The following ADAMTS16 variants were observed in gnomAD, a reference collection of about 807,000 sequenced individuals.
ADAMTS16 encodes the protein ADAM metallopeptidase with thrombospondin type 1 motif 16.
A neutral mutation model predicts 145.8 loss-of-function variants in ADAMTS16; 94 were observed. The ratio of observed to expected loss-of-function variants is 0.64; its 90% CI spans 0.55 to 0.77. The LOEUF (loss-of-function observed/expected upper bound fraction) is 0.77, where lower values mean the gene tolerates loss of function less well. ADAMTS16 is among the 30% of genes least tolerant of loss of function. The probability of loss-of-function intolerance (pLI) is 0.00; values close to 1 mark genes in which losing one functional copy is unlikely to be tolerated. For missense variants in ADAMTS16, 1,585 were observed against 1,591.5 expected (o/e 1.00, Z 0.07); for synonymous variants, 659 against 604.3 (o/e 1.09, Z -1.33).
chr5:5,300,422 G>C (rs1739723370), intron 18 of ADAMTS16, among the ~76,000 whole-genome samples: 1 of 152,018 alleles, frequency 6.6e-6, no homozygotes, highest in Non-Finnish European at 1.5e-5. Flanking sequence ...GTTGACACTG[G>C]AAAATGGAAG....
intron 17 of ADAMTS16, among the ~76,000 whole-genome samples, chr5:5,255,377 T>A (rs1480199235): frequency 6.6e-6 from 1 of 152,214 alleles, no homozygotes; most frequent in Non-Finnish European, 1.5e-5. Flanking sequence ...ACAAAATAAA[T>A]AGAGAGATTG....
At position 5,242,113 on chromosome 5, in the gene ADAMTS16, A is replaced by T; in HGVS notation, c.2584A>T (p.Thr862Ser). The change falls in exon 17 of 23, where the codon ACC becomes TCC. Residue 862 changes from threonine to serine, a missense_variant. Thr to Ser is a moderately conservative substitution (Grantham distance 58, BLOSUM62 1). This residue lies in a region of ADAMTS16 where 834 missense variants were observed against 811.7 expected (regional missense o/e 1.03). Coordinates refer to ENST00000274181, the MANE Select transcript of ADAMTS16 (RefSeq NM_139056.4). Reference sequence around the variant, plus strand: ...GGAATACTCCATGCCTCGCTTGGGGACCGAGAAGCAGCCCCCTGCCCAGCC... The same window carrying T: ...GGAATACTCCATGCCTCGCTTGGGGTCCGAGAAGCAGCCCCCTGCCCAGCC... Reference protein sequence around the residue: ...AWEYSMPRLGTEKQPPAQPSY... With the variant: ...AWEYSMPRLGSEKQPPAQPSY... The T allele has an allele frequency of 1.9e-6, 3 of 1,613,960 alleles. No homozygotes were observed. The highest frequency in any genetic ancestry group is 2.5e-6 in the Non-Finnish European group (3 of 1,179,982).
chr5:5,227,854 G>T (rs922146042), intron 11 of ADAMTS16, among the ~76,000 whole-genome samples: 2 of 152,126 alleles, frequency 1.3e-5, no homozygotes, highest in Admixed American at 6.5e-5. Flanking sequence ...TAATGCAAAT[G>T]TCCATCAGTA....
At chr5:5,228,967 T>G (rs1439754523) in intron 11 of ADAMTS16, among the ~76,000 whole-genome samples, 1 of 152,222 alleles carries the variant, frequency 6.6e-6, no homozygotes, top group Admixed American at 6.5e-5. Context: ...AGTTACTTCT[T>G]CCTTCCTTTG....
At chr5:5,281,389 C>A (rs1271358840) in intron 18 of ADAMTS16, among the ~76,000 whole-genome samples, 2 of 152,046 alleles carry the variant, frequency 1.3e-5, no homozygotes, top group Admixed American at 1.3e-4. Context: ...TCATTTTGAT[C>A]AAAATCAAAT....
At chr5:5,238,066 G>A (rs1737165289) in intron 14 of ADAMTS16, among the ~76,000 whole-genome samples, 1 of 152,074 alleles carries the variant, frequency 6.6e-6, no homozygotes, top group African/African-American at 2.4e-5. Context: ...GAGATCCTTA[G>A]TGTAATCATT....
chr5:5,309,476 G>A (rs1740327150), intron 21 of ADAMTS16, among the ~76,000 whole-genome samples: 1 of 152,122 alleles, frequency 6.6e-6, no homozygotes, highest in Admixed American at 6.5e-5. Flanking sequence ...TAAGTATTCA[G>A]GAAATGCTTG....
intron 18 of ADAMTS16, among the ~76,000 whole-genome samples, chr5:5,294,873 A>G (rs1283817350): frequency 6.6e-6 from 1 of 152,180 alleles, no homozygotes; most frequent in Non-Finnish European, 1.5e-5. Flanking sequence ...AATGCCCATT[A>G]CCCACCAGAC....
intron 11 of ADAMTS16, among the ~76,000 whole-genome samples, chr5:5,227,935 A>G (rs1456943203): frequency 6.6e-6 from 1 of 152,244 alleles, no homozygotes; most frequent in African/African-American, 2.4e-5. Context: ...ACATGTCTAT[A>G]TACTTCTGTG....
intron 3 of ADAMTS16, among the ~76,000 whole-genome samples, chr5:5,168,352 C>CATTATT (rs70965930): frequency 0.22 from 30,579 of 139,512 alleles, 3,910 homozygotes; most frequent in Non-Finnish European, 0.28. Context: ...TTATCCGAAA[C>CATTATT]ATTATTATTA....
chr5:5,144,823 G>C (rs1734251508), intron 2 of ADAMTS16, among the ~76,000 whole-genome samples: 1 of 152,204 alleles, frequency 6.6e-6, no homozygotes, highest in Admixed American at 6.5e-5. Flanking sequence ...CTCTTAGGGT[G>C]CTCGTGAACA....
At chr5:5,150,436 G>C (rs572170864) in intron 3 of ADAMTS16, among the ~76,000 whole-genome samples, 2 of 152,314 alleles carry the variant, frequency 1.3e-5, no homozygotes, top group Non-Finnish European at 2.9e-5. Context: ...TCACGGGCCG[G>C]TGCACAAGGC....
intron 21 of ADAMTS16, among the ~76,000 whole-genome samples, chr5:5,311,417 G>A (rs560047016): frequency 8.6e-5 from 13 of 151,724 alleles, no homozygotes; most frequent in East Asian, 1.9e-4. Flanking sequence ...ATCTTTTTTC[G>A]GTATTAGCTA....
chr5:5,284,389 T>C (rs1038739325), intron 18 of ADAMTS16, among the ~76,000 whole-genome samples: 1 of 152,244 alleles, frequency 6.6e-6, no homozygotes, highest in Non-Finnish European at 1.5e-5. Context: ...CTTTCAATAG[T>C]AATGCATGTA....
intron 3 of ADAMTS16, among the ~76,000 whole-genome samples, chr5:5,174,150 C>T (rs953178778): frequency 6.6e-6 from 1 of 152,076 alleles, no homozygotes; most frequent in Non-Finnish European, 1.5e-5. Flanking sequence ...TGATTAAATC[C>T]CTCAGCTTTT....
chr5:5,237,877 G>GA (rs200318290), intron 14 of ADAMTS16, among the ~76,000 whole-genome samples: 1,576 of 152,144 alleles, frequency 0.01, 27 homozygotes, highest in African/African-American at 0.036. Flanking sequence ...GGAAGGGGTG[G>GA]AAAAAAATGT....
chr5:5,300,084 G>C (rs1296518908), intron 18 of ADAMTS16, among the ~76,000 whole-genome samples: 2 of 152,186 alleles, frequency 1.3e-5, no homozygotes, highest in East Asian at 1.9e-4. Context: ...AGAATGGATC[G>C]ACCCAGTTGG....
chr5:5,182,223 G>T lies in ADAMTS16; in HGVS notation c.681G>T (p.Glu227Asp). The T allele has an allele frequency of 6.2e-7, 1 of 1,614,202 alleles. No individual in the cohort carries two copies. The change falls in exon 4 of 23, where the codon GAG (glutamate) becomes GAT (aspartate). Residue 227 changes from glutamate (E) to aspartate (D), a missense_variant. Physicochemically the swap from Glu to Asp is conservative, Grantham distance 45. Transcript: ENST00000274181. Reference protein sequence around the residue: ...SEVLVTSRTWELAHQPLHSSD... With the variant: ...SEVLVTSRTWDLAHQPLHSSD... ...TCCTGGTGACCTCAAGGACATGGGAGCTGGCACATCAACCCCTGCACAGCA... is the reference window on the plus strand; with the variant it reads ...TCCTGGTGACCTCAAGGACATGGGATCTGGCACATCAACCCCTGCACAGCA...
chr5:5,231,877 C>T (rs768023337), intron 11 of ADAMTS16, among the ~76,000 whole-genome samples: 16 of 152,106 alleles, frequency 1.1e-4, no homozygotes, highest in Admixed American at 1.3e-4. Context: ...CCCAAGGCTC[C>T]GAGCCCAGGT....
Sources: gnomAD v4.1 joint callset for allele counts (sites outside exome capture counted in the v4.1 genomes callset) on GRCh38, gnomAD v4.1.1 for gene constraint, gnomAD v4.1.1 regional missense constraint, MANE v1.5 for transcripts, NCBI Gene and HGNC (gene_info 2026-07-23, HGNC 2026-07-21) for gene names.